Variants in DZIP1 observed in about 807,000 individuals in gnomAD.
DZIP1 encodes the protein cilium assembly protein DZIP1.
Under a neutral mutation model 107.6 loss-of-function variants are expected in DZIP1, and 97 were observed. That is an observed-to-expected ratio of 0.90 (90% CI 0.77 to 1.07). The LOEUF (loss-of-function observed/expected upper bound fraction) is 1.07, where lower values mean the gene tolerates loss of function less well. DZIP1 is among the 50% of genes least tolerant of loss of function. The probability of loss-of-function intolerance (pLI) is 0.00; values close to 1 mark genes in which losing one functional copy is unlikely to be tolerated. For synonymous variants in DZIP1, 390 were observed against 386.4 expected (o/e 1.01, Z -0.11); for missense variants, 1,035 against 1,063.6 (o/e 0.97, Z 0.37).
chr13:95,629,365 G>T (rs1376531753), intron 7 of DZIP1, among the ~76,000 whole-genome samples: 1 of 152,146 alleles, frequency 6.6e-6, no homozygotes, highest in Non-Finnish European at 1.5e-5. Flanking sequence ...GAGTATCTCT[G>T]AACAAGTCAT....
Position 95,599,358 on chromosome 13 carries a change from T to C in DZIP1, c.1537+7A>G, listed in dbSNP as rs752632370. 6.2e-7 allele frequency: 1 copy of C among 1,612,866 alleles called. No homozygotes were observed. Among genetic ancestry groups the C allele is most frequent in the South Asian group, 1.1e-5 (1 of 91,044 alleles). On this transcript the variant is annotated splice_region_variant and intron_variant, in intron 15 of 22. Coordinates refer to ENST00000376829, the MANE Select transcript of DZIP1 (RefSeq NM_198968.4). ...GTGCAGGTAAACCTGATCAAGCCCT[T>C]TGTTACCTTTTTCTTCCTCTGAAAG... is the stretch of plus-strand genomic sequence containing the variant.
At chr13:95,642,598 A>C (rs904294740) in intron 3 of DZIP1, among the ~76,000 whole-genome samples, 2 of 152,260 alleles carry the variant, frequency 1.3e-5, no homozygotes, top group African/African-American at 2.4e-5. Flanking sequence ...TAAATGTGAT[A>C]GAGGGGGACT....
Position 95,633,270 on chromosome 13 carries a change from T to C in DZIP1, c.649A>G (p.Ile217Val), listed in dbSNP as rs1411557589. 5.0e-6 allele frequency: 8 copies of C among 1,614,082 alleles called. No homozygotes were observed. Among genetic ancestry groups the C allele is most frequent in the South Asian group, 1.1e-5 (1 of 91,084 alleles). ...FMNQAFLQSH[I>V]QRRHTEENSH... ...TTTTCTTCAGTGTGGCGGCGTTGAA[T>C]GTGACTTTGTAGAAAAGCTTGGTTC... Residue 217 changes from isoleucine to valine, a missense_variant, in exon 6 of 23, where the codon ATT becomes GTT. By Grantham distance (29) the Ile-to-Val change is conservative. Transcript: ENST00000376829.
chr13:95,622,463 C>T lies in DZIP1; in HGVS notation c.990G>A (p.Gln330=). The part of the protein sequence containing the change: ...SALEYQLSEI[Q]KSNMQIKSNI... ...TGGACTTGATCTGCATATTGGACTT[C>T]TGGATTTCTGACAGTTGCTATAAGA... Residue 330 remains glutamine, a synonymous_variant, in exon 9 of 23, where the codon CAG becomes CAA. Transcript: ENST00000376829. 6.2e-7 allele frequency: 1 copy of T among 1,614,166 alleles called. No homozygotes were observed. Among genetic ancestry groups the T allele is most frequent in the Non-Finnish European group, 8.5e-7 (1 of 1,180,036 alleles).
intron 22 of DZIP1, among the ~76,000 whole-genome samples, chr13:95,584,240 G>C (rs1055569006): frequency 6.7e-6 from 1 of 150,096 alleles, no homozygotes; most frequent in Non-Finnish European, 1.5e-5. Flanking sequence ...CTCCCAAAGT[G>C]CTGGGATTAC....
At chr13:95,609,975 C>T (rs1407946114) in intron 12 of DZIP1, among the ~76,000 whole-genome samples, 1 of 152,032 alleles carries the variant, frequency 6.6e-6, no homozygotes, top group African/African-American at 2.4e-5. Context: ...GACCCTGAAC[C>T]TATGGCTCCC....
Position 95,644,452 on chromosome 13 carries a change from G to A in DZIP1, c.-601C>T, listed in dbSNP as rs1215985962. The A allele has an allele frequency of 6.5e-6, 1 of 152,802 alleles. No homozygotes were observed. Among genetic ancestry groups the A allele is most frequent in the Admixed American group, 6.5e-5 (1 of 15,288 alleles). 9.5% of individuals were successfully genotyped at this position (152,802 alleles called of 1,614,324 possible). A position where few individuals can be genotyped will look rare whatever the true frequency, so the allele number is the denominator to read the frequency against. On this transcript the variant is annotated 5_prime_UTR_variant, in exon 1 of 23. Transcript: ENST00000376829. The stretch of plus-strand genomic sequence containing the variant: ...CGACACAGGGGACCCAGACCCCAGG[G>A]TCGCTGCTGACGCGGGCCGGGCCCG...
Position 95,624,818 on chromosome 13 carries a change from A to G in DZIP1, c.922T>C (p.Phe308Leu), listed in dbSNP as rs764689449. ...GTTAATTCTTTAAATTCCTTCATAAACATCTCCTTGACTTTTTCCATTTCA... is the reference window on the plus strand; with the variant it reads ...GTTAATTCTTTAAATTCCTTCATAAGCATCTCCTTGACTTTTTCCATTTCA... ...VDEMEKVKEM[F>L]MKEFKELTSK... The change falls in exon 8 of 23, where the codon TTT becomes CTT. Residue 308 changes from phenylalanine to leucine, a missense_variant. Transcript: ENST00000376829. 1 of 1,610,352 alleles carries G rather than the reference A, an allele frequency of 6.2e-7. No homozygotes were observed. The highest frequency in any genetic ancestry group is 1.7e-5 in the Admixed American group (1 of 59,722).
intron 12 of DZIP1, among the ~76,000 whole-genome samples, chr13:95,610,660 G>T (rs2044969153): frequency 6.6e-6 from 1 of 152,064 alleles, no homozygotes; most frequent in South Asian, 2.1e-4. Flanking sequence ...GGCTTAATAG[G>T]TATATTATCC....
intron 15 of DZIP1, among the ~76,000 whole-genome samples, chr13:95,599,123 CA>C (rs762223024): frequency 6.6e-6 from 1 of 151,960 alleles, no homozygotes; most frequent in Non-Finnish European, 1.5e-5. Flanking sequence ...TTCTCTGACA[CA>C]AAAAATTTCT....
intron 14 of DZIP1, among the ~76,000 whole-genome samples, chr13:95,600,716 G>T: frequency 6.6e-6 from 1 of 152,034 alleles, no homozygotes. Flanking sequence ...ATGTAACATT[G>T]GCTGTATGGG....
At chr13:95,625,217 A>C (rs573968180) in intron 7 of DZIP1, among the ~76,000 whole-genome samples, 2 of 152,332 alleles carry the variant, frequency 1.3e-5, no homozygotes, top group East Asian at 3.9e-4. Flanking sequence ...TCATGCCATA[A>C]TATATAAAAT....
At chr13:95,605,068 T>G (rs138990153) in intron 14 of DZIP1, among the ~76,000 whole-genome samples, 1 of 151,984 alleles carries the variant, frequency 6.6e-6, no homozygotes, top group South Asian at 2.1e-4. Flanking sequence ...GAAATGATCT[T>G]CGGGAAAAAA....
chr13:95,633,674 A>G (rs1196235813), intron 5 of DZIP1, among the ~76,000 whole-genome samples: 1 of 132,714 alleles, frequency 7.5e-6, no homozygotes, highest in Admixed American at 7.8e-5. Flanking sequence ...GCGAGACTCC[A>G]TCTCAAAAAA....
rs768792263 is a variant in DZIP1, at chr13:95,589,259, T to C, written c.1974-52A>G. On this transcript the variant is annotated intron_variant, in intron 18 of 22. Transcript: ENST00000376829. The stretch of plus-strand genomic sequence containing the variant: ...TAAATTGCATAAGTTAATAATATAA[T>C]TTCACATACATTTCTATGGAACTGG... 7.2e-6 allele frequency: 10 copies of C among 1,391,018 alleles called. No individual in the cohort carries two copies. The Admixed American group carries it at 1.4e-4, about 19-fold the overall frequency. The allele number at this position is 1,391,018 out of a possible 1,614,324, so 86.2% of individuals were successfully genotyped here. A position where few individuals can be genotyped will look rare whatever the true frequency, so the allele number is the denominator to read the frequency against.
intron 10 of DZIP1, chr13:95,618,101 TG>T: frequency 3.9e-6 from 2 of 510,100 alleles, no homozygotes; most frequent in Non-Finnish European, 7.9e-6. Context: ...GATGTAAACA[TG>T]GGCATGATCC....
chr13:95,610,379 T>C (rs934862368), intron 12 of DZIP1, among the ~76,000 whole-genome samples: 1 of 151,854 alleles, frequency 6.6e-6, no homozygotes, highest in African/African-American at 2.4e-5. Flanking sequence ...GGTGCAATCA[T>C]AGCTCACTGC....
At chr13:95,627,867 A>G (rs1156603513) in intron 7 of DZIP1, among the ~76,000 whole-genome samples, 1 of 152,164 alleles carries the variant, frequency 6.6e-6, no homozygotes. Context: ...ATTAGAGCCA[A>G]AAGGTGAAAA....
At chr13:95,610,055 A>AGT (rs58398816) in intron 12 of DZIP1, among the ~76,000 whole-genome samples, 1,640 of 109,138 alleles carry the variant, frequency 0.015, 29 homozygotes, top group East Asian at 0.047. Context: ...TGACTGGTTT[A>AGT]GTGTGTGTGT....
Sources: gnomAD v4.1 joint callset for allele counts (sites outside exome capture counted in the v4.1 genomes callset) on GRCh38, gnomAD v4.1.1 for gene constraint, MANE v1.5 for transcripts, NCBI Gene and HGNC (gene_info 2026-07-23, HGNC 2026-07-21) for gene names.